The following IGF2R variants were observed in gnomAD, a reference collection of about 807,000 sequenced individuals.
IGF2R encodes the protein insulin like growth factor 2 receptor.
IGF2R carries 91 observed loss-of-function variants against 270.6 expected under a neutral mutation model. That is an observed-to-expected ratio of 0.34 (90% CI 0.28 to 0.40). The LOEUF (loss-of-function observed/expected upper bound fraction) is 0.40, where lower values mean the gene tolerates loss of function less well. Ranked by LOEUF, IGF2R falls within the 10% of genes least tolerant of loss-of-function variation. IGF2R has a pLI of 1.00. For synonymous variants in IGF2R, 1,316 were observed against 1,258.9 expected (o/e 1.05, Z -0.96); for missense variants, 2,805 against 3,188.3 (o/e 0.88, Z 2.90).
intron 1 of IGF2R, among the ~76,000 whole-genome samples, chr6:159,972,025 G>T (rs1284888565): frequency 6.6e-6 from 1 of 152,054 alleles, no homozygotes; most frequent in East Asian, 1.9e-4. Context: ...GGCGGGGGAG[G>T]TTATCAGTCA....
chr6:160,057,789 C>CA (rs1330821886), intron 20 of IGF2R, among the ~76,000 whole-genome samples: 1 of 152,202 alleles, frequency 6.6e-6, no homozygotes, highest in East Asian at 1.9e-4. Flanking sequence ...GTAGCCTTAA[C>CA]AGCTTCCAGG....
intron 32 of IGF2R, 83 bp from the exon 33 acceptor site, chr6:160,072,682 C>A: frequency 6.7e-7 from 1 of 1,490,100 alleles, no homozygotes; most frequent in Non-Finnish European, 9.4e-7. Context: ...CTGACATAAT[C>A]TGTGTGTGAG....
At chr6:160,064,187 C>T (rs746214509) in intron 27 of IGF2R, among the ~76,000 whole-genome samples, 2 of 152,192 alleles carry the variant, frequency 1.3e-5, no homozygotes, top group African/African-American at 2.4e-5. Context: ...TCATCATACA[C>T]GGGTCAGTCT....
chr6:160,040,523 C>G, intron 10 of IGF2R, 37 bp from the exon 11 acceptor site: 1 of 1,597,418 alleles, frequency 6.3e-7, no homozygotes, highest in Non-Finnish European at 8.6e-7. Flanking sequence ...ATTTTGGTCA[C>G]GTATGGAGTT....
intron 2 of IGF2R, among the ~76,000 whole-genome samples, chr6:160,002,009 CAT>C (rs1353433127): frequency 1.3e-5 from 2 of 152,084 alleles, no homozygotes; most frequent in Non-Finnish European, 2.9e-5. Flanking sequence ...TTACCAGAAA[CAT>C]AAATAGTCGA....
rs115555382 is a variant in IGF2R, at chr6:160,081,152, A to G, written c.5833+877A>G. 9.1e-3 allele frequency among the ~76,000 whole-genome samples: 1,380 copies of G among 151,602 alleles called. 25 individuals are homozygous for G. Among genetic ancestry groups the G allele is most frequent in the African/African-American group, 0.032 (1,305 of 41,280 alleles). On this transcript the variant is annotated intron_variant, in intron 39 of 47. Transcript: ENST00000356956. Reference sequence around the variant, plus strand: ...AAAAAAAAAAAAAGAAAAATTACTAATTTTCATAAATGTCCAGTATCGGGG... The same window carrying G: ...AAAAAAAAAAAAAGAAAAATTACTAGTTTTCATAAATGTCCAGTATCGGGG...
At chr6:160,068,903 G>C (rs1346654476) in intron 30 of IGF2R, among the ~76,000 whole-genome samples, 2 of 152,182 alleles carry the variant, frequency 1.3e-5, no homozygotes, top group African/African-American at 4.8e-5. Context: ...GGTGTTAACA[G>C]TTGATCCCTA....
At chr6:160,088,999 C>T (rs2114730038) in intron 42 of IGF2R, 108 bp from the exon 43 acceptor site, 1 of 1,157,148 alleles carries the variant, frequency 8.6e-7, no homozygotes, top group Admixed American at 2.9e-5. Context: ...AGCACCTTGA[C>T]TGAAAGCCAG....
At chr6:160,042,223 G>C (rs1262609969) in intron 11 of IGF2R, among the ~76,000 whole-genome samples, 1 of 152,098 alleles carries the variant, frequency 6.6e-6, no homozygotes, top group African/African-American at 2.4e-5. Flanking sequence ...AGCCCACCTG[G>C]CTCCACCCCA....
intron 2 of IGF2R, among the ~76,000 whole-genome samples, chr6:160,007,904 ATCTT>A (rs1784268926): frequency 6.6e-6 from 1 of 152,180 alleles, no homozygotes; most frequent in Admixed American, 6.5e-5. Flanking sequence ...ATCTTTCTCT[ATCTT>A]AAGATTTCTG....
rs554561295 is a variant in IGF2R at position 160,069,595 on chromosome 6, C to T, written c.4253-273C>T. Among the ~76,000 whole-genome samples, 6 of 152,286 alleles carry T rather than the reference C, an allele frequency of 3.9e-5. No homozygotes were observed. In the East Asian group the frequency reaches 1.2e-3, roughly 29 times the overall value. ...TATAACCTTCATCCTATATGGGGTT[C>T]AGAAAGAATTTCGACTGCTACAGCC... is the stretch of plus-strand genomic sequence containing the variant. On this transcript the variant is annotated intron_variant, in intron 30 of 47. Coordinates refer to ENST00000356956, the MANE Select transcript of IGF2R (RefSeq NM_000876.4).
chr6:159,975,684 T>TTTTATATATA (rs372803317), intron 1 of IGF2R, among the ~76,000 whole-genome samples: 60 of 141,740 alleles, frequency 4.2e-4, no homozygotes, highest in African/African-American at 1.5e-3. Context: ...TTATATATAT[T>TTTTATATATA]TATATATATA....
chr6:160,070,130 G>A lies in IGF2R; in HGVS notation c.4443+72G>A, dbSNP rs568033906. 2.0e-4 allele frequency: 282 copies of A among 1,420,816 alleles called. 1 individual carries two copies. The highest frequency in any genetic ancestry group is 2.5e-4 in the Non-Finnish European group (253 of 1,022,052). 88.0% of individuals were successfully genotyped at this position (1,420,816 alleles called of 1,614,324 possible). A position where few individuals can be genotyped will look rare whatever the true frequency, so the allele number is the denominator to read the frequency against. On this transcript the variant is annotated intron_variant, in intron 31 of 47. Coordinates refer to ENST00000356956, the MANE Select transcript of IGF2R (RefSeq NM_000876.4). Reference sequence around the variant, plus strand: ...GAGCCCATGTGCAGGGCGGTGAGCCGCACGTCCTCATCTGCCTTGGGATGC... The same window carrying A: ...GAGCCCATGTGCAGGGCGGTGAGCCACACGTCCTCATCTGCCTTGGGATGC...
chr6:160,035,935 A>T (rs374178736), intron 10 of IGF2R, among the ~76,000 whole-genome samples: 19 of 152,120 alleles, frequency 1.2e-4, no homozygotes, highest in African/African-American at 4.3e-4. Flanking sequence ...GCCACACTAC[A>T]TTGAGGAGCA....
chr6:160,093,130 C>G (rs1224129244), intron 44 of IGF2R: 1 of 155,162 alleles, frequency 6.4e-6, no homozygotes, highest in Non-Finnish European at 1.4e-5. Flanking sequence ...CCCACCAGCT[C>G]TCCCGTGGAA....
rs369250571 is a variant in IGF2R at position 160,019,212 on chromosome 6, A to G, written c.514-5360A>G. 2.0e-4 allele frequency among the ~76,000 whole-genome samples: 31 copies of G among 152,334 alleles called. No homozygotes were observed. In the East Asian group the frequency reaches 3.9e-3, roughly 19 times the overall value. On this transcript the variant is annotated intron_variant, in intron 4 of 47. Coordinates refer to ENST00000356956, the MANE Select transcript of IGF2R (RefSeq NM_000876.4). ...AGGAAATGTGTACATTTCTGGAAACATTCAAGTTCCTGAGATTCAACCAGG... is the reference window on the plus strand; with the variant it reads ...AGGAAATGTGTACATTTCTGGAAACGTTCAAGTTCCTGAGATTCAACCAGG...
chr6:160,022,781 A>G (rs1347261644), intron 4 of IGF2R, among the ~76,000 whole-genome samples: 1 of 152,210 alleles, frequency 6.6e-6, no homozygotes, highest in Non-Finnish European at 1.5e-5. Context: ...AGAGAGAGGT[A>G]GAGAGTGCTG....
Position 160,071,998 on chromosome 6 carries a change from A to G in IGF2R, c.4532A>G (p.Asn1511Ser), listed in dbSNP as rs184364191. 1.9e-6 allele frequency: 3 copies of G among 1,614,182 alleles called. No homozygotes were observed. The highest frequency in any genetic ancestry group is 1.3e-5 in the African/African-American group (1 of 75,054). Residue 1511 changes from asparagine to serine, a missense_variant, in exon 32 of 48, where the codon AAC becomes AGC. Asn to Ser is a conservative substitution (Grantham distance 46). Transcript: ENST00000356956. ...GCCACAGCCTGTCCCATGAAGAGCA[A>G]CGAGCATGATGACTGCCAGGTCACC... is the stretch of plus-strand genomic sequence containing the variant. ...PTATACPMKS[N>S]EHDDCQVTNP...
intron 6 of IGF2R, among the ~76,000 whole-genome samples, chr6:160,028,827 C>CATTTTT: frequency 6.7e-6 from 1 of 149,482 alleles, no homozygotes; most frequent in Non-Finnish European, 1.5e-5. Context: ...TGCTTGTCTG[C>CATTTTT]CTTTTTTTTT....
Sources: gnomAD v4.1 joint callset for allele counts (sites outside exome capture counted in the v4.1 genomes callset) on GRCh38, gnomAD v4.1.1 for gene constraint, MANE v1.5 for transcripts, NCBI Gene and HGNC (gene_info 2026-07-23, HGNC 2026-07-21) for gene names.